ANKRD31: variants seen among roughly 807,000 people sequenced by gnomAD.
ANKRD31 encodes the protein ankyrin repeat domain 31.
ANKRD31 carries 147 observed loss-of-function variants against 186.0 expected under a neutral mutation model. The observed-to-expected ratio is 0.79, with a 90% confidence interval of 0.69 to 0.91. ANKRD31 has a LOEUF of 0.91. Ranked by LOEUF, ANKRD31 falls within the 40% of genes least tolerant of loss-of-function variation. ANKRD31 has a pLI of 0.00. For synonymous variants in ANKRD31, 673 were observed against 736.4 expected (o/e 0.91, Z 1.39); for missense variants, 1,986 against 2,148.8 (o/e 0.92, Z 1.50).
chr5:75,122,475 AACAG>A (rs1748874945), intron 17 of ANKRD31, among the ~76,000 whole-genome samples: 1 of 151,978 alleles, frequency 6.6e-6, no homozygotes, highest in African/African-American at 2.4e-5. Flanking sequence ...AACACAAACA[AACAG>A]AAAAAAAACT....
rs182273853 is a variant in ANKRD31, at chr5:75,110,155, G to T, written c.4243+2358C>A. Among the ~76,000 whole-genome samples, 213 of 152,214 alleles carry T rather than the reference G, an allele frequency of 1.4e-3. 3 individuals are homozygous for T. The highest frequency in any genetic ancestry group is 1.8e-4 in the Non-Finnish European group (12 of 68,018). ...TAAAATTAAACTACAAAAACCTGGG[G>T]GTGGTGGGGAGAAGTTTCTGATTTT... is the stretch of plus-strand genomic sequence containing the variant. On this transcript the variant is annotated intron_variant, in intron 20 of 25. Transcript: ENST00000506364.
rs1483415025 is a variant in ANKRD31 at position 75,105,138 on chromosome 5, A to T, written c.4421T>A (p.Val1474Asp). 13 of 1,536,912 alleles carry T rather than the reference A, an allele frequency of 8.5e-6. No homozygotes were observed. The East Asian group carries it at 2.9e-4, about 35-fold the overall frequency. The change falls in exon 22 of 26, where the codon GTT becomes GAT. Residue 1474 changes from valine to aspartate, a missense_variant. Coordinates refer to ENST00000506364, the MANE Select transcript of ANKRD31 (RefSeq NM_001372053.1). The stretch of plus-strand genomic sequence containing the variant: ...TATTTTTTTCTGTTTTTTTGCCACA[A>T]CTAAAAGGCTCTTCTGTCTTGCAGC... ...NLAARQKSLL[V>D]VAKKQKKISL...
chr5:75,119,027 G>T lies in ANKRD31; in HGVS notation c.3877-730C>A, dbSNP rs960821654. Among the ~76,000 whole-genome samples the T allele has an allele frequency of 7.4e-4, 113 of 152,180 alleles. 1 individual carries two copies. The highest frequency in any genetic ancestry group is 2.6e-3 in the African/African-American group (107 of 41,530). On this transcript the variant is annotated intron_variant, in intron 17 of 25. Transcript: ENST00000506364. ...CTTGTTCAGGACGTTTTATGAACTA[G>T]CTTAGAAACCTAATACCCATTTTAA...
chr5:75,123,490 C>T (rs1344579611), intron 17 of ANKRD31, among the ~76,000 whole-genome samples: 1 of 151,980 alleles, frequency 6.6e-6, no homozygotes, highest in Non-Finnish European at 1.5e-5. Context: ...AGAAGCAATC[C>T]TAAGCAAATA....
intron 24 of ANKRD31, among the ~76,000 whole-genome samples, chr5:75,083,341 C>T (rs1300369984): frequency 2.0e-5 from 3 of 152,078 alleles, no homozygotes; most frequent in Non-Finnish European, 4.4e-5. Context: ...TAATTCCACT[C>T]CTAGGCACAC....
At chr5:75,158,971 T>C (rs938788780) in intron 11 of ANKRD31, among the ~76,000 whole-genome samples, 9 of 152,098 alleles carry the variant, frequency 5.9e-5, no homozygotes, top group African/African-American at 1.9e-4. Context: ...AAAGCCATGT[T>C]TAAAGAATTA....
chr5:75,181,589 G>A (rs770660584), intron 10 of ANKRD31, among the ~76,000 whole-genome samples: 95 of 151,990 alleles, frequency 6.3e-4, no homozygotes, highest in Non-Finnish European at 8.8e-4. Flanking sequence ...TTGTAGGGAC[G>A]CGGATGAAGC....
chr5:75,107,925 G>C (rs1747465115), intron 20 of ANKRD31, among the ~76,000 whole-genome samples: 2 of 151,994 alleles, frequency 1.3e-5, no homozygotes, highest in East Asian at 3.9e-4. Flanking sequence ...GTGAAATGAA[G>C]GTAGTAAAGG....
intron 17 of ANKRD31, among the ~76,000 whole-genome samples, chr5:75,129,018 T>C (rs570409300): frequency 1.3e-5 from 2 of 152,236 alleles, no homozygotes; most frequent in Non-Finnish European, 2.9e-5. Flanking sequence ...TGTTGAATTG[T>C]AATCCCCAGT....
intron 10 of ANKRD31, among the ~76,000 whole-genome samples, chr5:75,182,327 C>T (rs1043632764): frequency 6.6e-6 from 1 of 152,084 alleles, no homozygotes; most frequent in Non-Finnish European, 1.5e-5. Flanking sequence ...ACTCAAAAGT[C>T]GTTAACTTTG....
chr5:75,176,848 A>G (rs1753844555), intron 10 of ANKRD31, among the ~76,000 whole-genome samples: 1 of 152,248 alleles, frequency 6.6e-6, no homozygotes. Flanking sequence ...AAAGGAACGC[A>G]GCTCCTCACC....
rs181506683 is a variant in ANKRD31, at chr5:75,105,386, C to A, written c.4341-168G>T. ...TTGATTTTTTTAATCTGACCACCTGCAGCCTGTTGACGCAAAATATTTCCT... is the reference window on the plus strand; with the variant it reads ...TTGATTTTTTTAATCTGACCACCTGAAGCCTGTTGACGCAAAATATTTCCT... On this transcript the variant is annotated intron_variant, in intron 21 of 25. Transcript: ENST00000506364. Among the ~76,000 whole-genome samples the A allele has an allele frequency of 1.2e-3, 182 of 152,250 alleles. 2 individuals are homozygous for A. The East Asian group carries it at 0.015, about 13-fold the overall frequency.
intron 22 of ANKRD31, among the ~76,000 whole-genome samples, chr5:75,099,659 G>A (rs1403590265): frequency 6.6e-6 from 1 of 152,084 alleles, no homozygotes; most frequent in Non-Finnish European, 1.5e-5. Flanking sequence ...TTTAGTCTTG[G>A]GAGGGTGTAT....
intron 23 of ANKRD31, among the ~76,000 whole-genome samples, chr5:75,085,813 G>C (rs888509187): frequency 2.6e-5 from 4 of 152,210 alleles, no homozygotes; most frequent in South Asian, 2.1e-4. Flanking sequence ...AAGAGATAAT[G>C]CATGAAAAGC....
chr5:75,116,161 A>G (rs1331187642), intron 19 of ANKRD31, among the ~76,000 whole-genome samples: 1 of 150,302 alleles, frequency 6.7e-6, no homozygotes, highest in Non-Finnish European at 1.5e-5. Flanking sequence ...TCACAAGAAC[A>G]AAAAACCAAA....
Position 75,147,202 on chromosome 5 carries a change from T to C in ANKRD31, c.2209A>G (p.Arg737Gly). Residue 737 changes from arginine to glycine, a missense_variant, in exon 14 of 26, where the codon AGG (arginine) becomes GGG (glycine). Coordinates refer to ENST00000506364, the MANE Select transcript of ANKRD31 (RefSeq NM_001372053.1). ...CAGTCTACATCATCTACTTGGGTCC[T>C]TTTATGTTGTGTTTTTCTTCTTCCT... is the stretch of plus-strand genomic sequence containing the variant. ...GIGRRKTQHKRTQVDDVDCNP... is the reference protein window; with the variant it reads ...GIGRRKTQHKGTQVDDVDCNP... The C allele has an allele frequency of 2.0e-6, 3 of 1,536,224 alleles. No individual in the cohort carries two copies. Among genetic ancestry groups the C allele is most frequent in the Non-Finnish European group, 2.6e-6 (3 of 1,146,238 alleles).
chr5:75,225,007 T>C (rs1279710806), intron 2 of ANKRD31, among the ~76,000 whole-genome samples: 4 of 152,198 alleles, frequency 2.6e-5, no homozygotes, highest in African/African-American at 9.7e-5. Flanking sequence ...ATTATCTATA[T>C]TAAAATAGGC....
chr5:75,185,471 T>A (rs1754639958), intron 10 of ANKRD31, among the ~76,000 whole-genome samples: 1 of 151,986 alleles, frequency 6.6e-6, no homozygotes, highest in African/African-American at 2.4e-5. Context: ...GAAAGGAGAA[T>A]CGCTTGAATC....
chr5:75,081,511 T>C (rs1321877333), intron 24 of ANKRD31, among the ~76,000 whole-genome samples: 1 of 152,224 alleles, frequency 6.6e-6, no homozygotes, highest in Non-Finnish European at 1.5e-5. Flanking sequence ...GAGATACCTA[T>C]CTAGGGTTGG....
Sources: gnomAD v4.1 joint callset for allele counts (sites outside exome capture counted in the v4.1 genomes callset) on GRCh38, gnomAD v4.1.1 for gene constraint, MANE v1.5 for transcripts, NCBI Gene and HGNC (gene_info 2026-07-23, HGNC 2026-07-21) for gene names.